The following AGL variants were observed in gnomAD, a reference collection of about 807,000 sequenced individuals.
The protein encoded by AGL is glycogen debranching enzyme.
AGL carries 128 observed loss-of-function variants against 199.3 expected under a neutral mutation model. The observed-to-expected ratio is 0.64, with a 90% CI of 0.56 to 0.74. The LOEUF is 0.74. Among genes scored for constraint, AGL ranks in the 30% least tolerant of loss-of-function variants. The pLI, the probability that AGL is intolerant of heterozygous loss-of-function variation, is 0.00. For missense variants in AGL, 1,809 were observed against 1,820.8 expected (o/e 0.99, Z 0.12); for synonymous variants, 584 against 594.7 (o/e 0.98, Z 0.26).
At chr1:99,853,407 CTA>C (rs1189312008) in intron 2 of AGL, among the ~76,000 whole-genome samples, 1 of 152,196 alleles carries the variant, frequency 6.6e-6, no homozygotes, top group East Asian at 1.9e-4. Flanking sequence ...TACTGTCAGT[CTA>C]TGTGTTGCCT....
At chr1:99,884,749 G>GT in intron 20 of AGL, 46 bp downstream of exon 20, 1 of 1,607,536 alleles carries the variant, frequency 6.2e-7, no homozygotes, top group Non-Finnish European at 8.5e-7. Flanking sequence ...TAATAAGTAA[G>GT]TTACCACTAG....
chr1:99,874,076 T>C (rs1365929695), intron 7 of AGL, among the ~76,000 whole-genome samples: 1 of 152,048 alleles, frequency 6.6e-6, no homozygotes, highest in Admixed American at 6.5e-5. Flanking sequence ...ATATGGTTGA[T>C]GAAAAGGGAA....
rs1253347170 is a variant in AGL, at chr1:99,884,118, A to G, written c.2309-2A>G. 5.0e-6 allele frequency: 8 copies of G among 1,610,042 alleles called. No homozygotes were observed. The highest frequency in any genetic ancestry group is 6.8e-6 in the Non-Finnish European group (8 of 1,176,976). Reference sequence around the variant, plus strand: ...TGTTAAAATGTTTTTATGTATTCCTAGGCAAAATTGAAGAAGTAGTTCTTG... The same window carrying G: ...TGTTAAAATGTTTTTATGTATTCCTGGGCAAAATTGAAGAAGTAGTTCTTG... On this transcript the variant is annotated splice_acceptor_variant, in intron 17 of 33. Coordinates refer to ENST00000361915, the MANE Select transcript of AGL (RefSeq NM_000642.3). LOFTEE classifies it high-confidence loss of function.
At chr1:99,874,486 C>T (rs1256782406) in intron 7 of AGL, 3 of 561,854 alleles carry the variant, frequency 5.3e-6, no homozygotes, top group African/African-American at 1.9e-5. Flanking sequence ...CCACACCCCT[C>T]GTGTGTGTTT....
Position 99,874,946 on chromosome 1 carries a change from A to G in AGL, c.1082+136A>G, listed in dbSNP as rs1250808053. Reference sequence around the variant, plus strand: ...TAATTCACTGTAATTCTACTATTTCAGCACATGACATTTTCCCACTTTTTC... The same window carrying G: ...TAATTCACTGTAATTCTACTATTTCGGCACATGACATTTTCCCACTTTTTC... On this transcript the variant is annotated intron_variant, in intron 8 of 33. Transcript: ENST00000361915. The G allele has an allele frequency of 2.5e-6, 3 of 1,212,674 alleles. No individual in the cohort carries two copies. The Admixed American group carries it at 6.6e-5, about 27-fold the overall frequency. 75.1% of individuals were successfully genotyped at this position (1,212,674 alleles called of 1,614,324 possible).
intron 25 of AGL, among the ~76,000 whole-genome samples, chr1:99,896,792 T>A (rs1653358585): frequency 6.6e-6 from 1 of 152,094 alleles, no homozygotes; most frequent in South Asian, 2.1e-4. Context: ...AGACTTAAAA[T>A]GGTTTTTTTT....
At chr1:99,886,155 T>G (rs1652438116) in intron 20 of AGL, among the ~76,000 whole-genome samples, 1 of 152,182 alleles carries the variant, frequency 6.6e-6, no homozygotes, top group Non-Finnish European at 1.5e-5. Context: ...GGATTTGAAT[T>G]CCATTGCAGA....
intron 25 of AGL, among the ~76,000 whole-genome samples, chr1:99,897,835 C>G (rs1653453907): frequency 6.6e-6 from 1 of 151,910 alleles, no homozygotes; most frequent in Non-Finnish European, 1.5e-5. Flanking sequence ...AGAGTAATAT[C>G]TGCCACATGC....
intron 21 of AGL, 37 bp downstream of exon 21, chr1:99,888,145 T>G: frequency 6.2e-7 from 1 of 1,608,570 alleles, no homozygotes; most frequent in Non-Finnish European, 8.5e-7. Context: ...TTTGTGTTTT[T>G]CTTTTAGGGT....
At chr1:99,907,693 G>GTTTTTTTGTTTTTT (rs1553191718) in intron 27 of AGL, among the ~76,000 whole-genome samples, 18 of 118,944 alleles carry the variant, frequency 1.5e-4, no homozygotes, top group East Asian at 2.7e-4. Flanking sequence ...TTTGTTTTTT[G>GTTTTTTTGTTTTTT]TTTTTTTTGC....
At chr1:99,862,781 CCT>C (rs1650164578) in intron 4 of AGL, among the ~76,000 whole-genome samples, 2 of 152,170 alleles carry the variant, frequency 1.3e-5, no homozygotes, top group African/African-American at 2.4e-5. Flanking sequence ...GGGAAATCCA[CCT>C]CTGTGATCAA....
chr1:99,902,867 T>C, intron 27 of AGL, 73 bp downstream of exon 27: 1 of 1,150,638 alleles, frequency 8.7e-7, no homozygotes, highest in Non-Finnish European at 1.3e-6. Context: ...GTTCACTTAG[T>C]AAATATTTGT....
intron 5 of AGL, 139 bp from the exon 6 acceptor site, chr1:99,870,261 A>G: frequency 3.5e-6 from 3 of 863,424 alleles, no homozygotes; most frequent in Admixed American, 2.5e-5. Flanking sequence ...TTCCTGTAAC[A>G]GTATCATCGT....
intron 28 of AGL, among the ~76,000 whole-genome samples, chr1:99,911,385 G>A (rs1214563987): frequency 6.8e-6 from 1 of 148,146 alleles, no homozygotes; most frequent in Non-Finnish European, 1.5e-5. Context: ...TACCCATTAA[G>A]TAATGTCTAT....
intron 2 of AGL, among the ~76,000 whole-genome samples, chr1:99,857,638 C>T (rs1251409813): frequency 6.6e-6 from 1 of 151,274 alleles, no homozygotes; most frequent in East Asian, 1.9e-4. Context: ...AGCGAAACCC[C>T]GTCTCCACCA....
rs767645591 is a variant in AGL, at chr1:99,862,222, T to C, written c.294-35T>C. 1.9e-5 allele frequency: 30 copies of C among 1,610,024 alleles called. 1 individual carries two copies. Among genetic ancestry groups the C allele is most frequent in the Non-Finnish European group, 1.9e-5 (22 of 1,176,392 alleles). ...TATATGAGGATTTTTTTTCTATCACTGACTGAAAAGTTTTTGTTTTGTTTT... is the reference window on the plus strand; with the variant it reads ...TATATGAGGATTTTTTTTCTATCACCGACTGAAAAGTTTTTGTTTTGTTTT... On this transcript the variant is annotated intron_variant, in intron 3 of 33. Transcript: ENST00000361915.
intron 33 of AGL, among the ~76,000 whole-genome samples, chr1:99,917,194 TAGAC>T (rs770500988): frequency 1.3e-4 from 20 of 152,190 alleles, no homozygotes; most frequent in Admixed American, 3.3e-4. Flanking sequence ...TATTAGCAAA[TAGAC>T]AGTGTCAGAG....
chr1:99,881,271 C>A, intron 15 of AGL, 21 bp from the exon 16 acceptor site: 1 of 1,613,992 alleles, frequency 6.2e-7, no homozygotes, highest in Non-Finnish European at 8.5e-7. Context: ...TGTATCCATG[C>A]TAAATTTTAC....
At chr1:99,863,941 C>T (rs1476100065) in intron 4 of AGL, among the ~76,000 whole-genome samples, 4 of 151,992 alleles carry the variant, frequency 2.6e-5, no homozygotes, top group Non-Finnish European at 5.9e-5. Flanking sequence ...TGCACCTGAT[C>T]TCAATATTAA....
Sources: gnomAD v4.1 joint callset for allele counts (sites outside exome capture counted in the v4.1 genomes callset) on GRCh38, gnomAD v4.1.1 for gene constraint, MANE v1.5 for transcripts, NCBI Gene and HGNC (gene_info 2026-07-23, HGNC 2026-07-21) for gene names.